Variants in DDX60L observed in about 807,000 individuals in gnomAD.
The protein encoded by DDX60L is DExD/H-box 60 like.
A neutral mutation model predicts 211.6 loss-of-function variants in DDX60L; 191 were observed. That is an observed-to-expected ratio of 0.90 (90% CI 0.80 to 1.02). The LOEUF is 1.02. Among genes scored for constraint, DDX60L ranks in the 50% least tolerant of loss-of-function variants. The pLI is 0.00. For missense variants in DDX60L, 2,007 were observed against 1,984.1 expected, an observed-to-expected ratio of 1.01 and a Z score of -0.22; for synonymous variants, 706 against 694.1, an observed-to-expected ratio of 1.02 and a Z score of -0.27.
Position 168,391,648 on chromosome 4 carries a change from G to GA in DDX60L, c.3811-5_3811-4insT, listed in dbSNP as rs1744840804. On this transcript the variant is annotated splice_region_variant and splice_polypyrimidine_tract_variant and intron_variant, in intron 28 of 37. Transcript: ENST00000682922. ...GTGTTTCAGTAGCTGTCACTACCTAGGAAAAAAAAAAAAAAACAGTCAATA... is the reference window on the plus strand; with the variant it reads ...GTGTTTCAGTAGCTGTCACTACCTAGAGAAAAAAAAAAAAAAACAGTCAATA... The GA allele has an allele frequency of 1.5e-6, 2 of 1,375,988 alleles. No individual in the cohort carries two copies. Among genetic ancestry groups the GA allele is most frequent in the Admixed American group, 2.7e-5 (1 of 37,398 alleles). The allele number at this position is 1,375,988 out of a possible 1,614,324, so 85.2% of individuals were successfully genotyped here. A position where few individuals can be genotyped will look rare whatever the true frequency, so the allele number is the denominator to read the frequency against.
intron 22 of DDX60L, among the ~76,000 whole-genome samples, chr4:168,410,055 A>G (rs1748414557): frequency 6.6e-6 from 1 of 152,182 alleles, no homozygotes; most frequent in South Asian, 2.1e-4. Flanking sequence ...ATATGGCACT[A>G]TGAGCTAGCT....
In DDX60L at chr4:168,379,741, C is replaced by A. The variant is rs551734786; in HGVS notation, c.4206G>T (p.Gln1402His). The A allele has an allele frequency of 3.7e-6, 6 of 1,612,734 alleles. No homozygotes were observed. In the Admixed American group the frequency reaches 8.4e-5, roughly 22 times the overall value. Residue 1402 changes from glutamine (Q) to histidine (H), a missense_variant, in exon 31 of 38, where the codon CAG becomes CAT. Physicochemically the swap from Gln to His is conservative, Grantham distance 24. Transcript: ENST00000682922. ...ACGATGATACCTCTTTGATAAGGAG[C>A]TGCAAGGAAAACAAAAAGTAAAGTT... ...TLKLYFLFSL[Q>H]LLIKEDYLNK...
chr4:168,446,323 A>C (rs914016410), intron 9 of DDX60L, among the ~76,000 whole-genome samples: 1 of 152,068 alleles, frequency 6.6e-6, no homozygotes, highest in Non-Finnish European at 1.5e-5. Context: ...CAACTTACAA[A>C]GGATGTGAAG....
intron 5 of DDX60L, among the ~76,000 whole-genome samples, chr4:168,459,306 C>T (rs977710630): frequency 2.0e-5 from 3 of 150,082 alleles, no homozygotes; most frequent in East Asian, 2.0e-4. Context: ...GGCAACATAG[C>T]GAGACCCTAT....
At position 168,472,894 on chromosome 4, in the gene DDX60L, C is replaced by A. The variant is rs1758993675; in HGVS notation, c.-110-85G>T. On this transcript the variant is annotated intron_variant, in intron 1 of 37. Transcript: ENST00000682922. ...AAATATGGTTACATTTTCCACAGAGCAAGCAGTCTAGTAAATAAGCAAAGA... is the reference window on the plus strand; with the variant it reads ...AAATATGGTTACATTTTCCACAGAGAAAGCAGTCTAGTAAATAAGCAAAGA... 5 of 598,502 alleles carry A rather than the reference C, an allele frequency of 8.4e-6. No individual in the cohort carries two copies. In the South Asian group the frequency reaches 1.1e-4, roughly 13 times the overall value. The allele number at this position is 598,502 out of a possible 1,614,324, so 37.1% of individuals were successfully genotyped here.
At chr4:168,378,262 A>G in intron 33 of DDX60L, 92 bp downstream of exon 33, 1 of 681,724 alleles carries the variant, frequency 1.5e-6, no homozygotes, top group African/African-American at 1.9e-5. Flanking sequence ...AGTAGCTTAT[A>G]TTAATTTAAC....
chr4:168,465,226 C>T (rs1039789104), intron 4 of DDX60L, among the ~76,000 whole-genome samples: 2 of 151,810 alleles, frequency 1.3e-5, no homozygotes, highest in African/African-American at 4.8e-5. Flanking sequence ...TTTGGATTTG[C>T]ATTTCTCCGA....
chr4:168,412,952 C>G (rs1023753105), intron 22 of DDX60L, among the ~76,000 whole-genome samples: 4 of 152,218 alleles, frequency 2.6e-5, no homozygotes, highest in Non-Finnish European at 4.4e-5. Context: ...CTGCAAGAGC[C>G]ACAGCCTCAC....
At position 168,458,585 on chromosome 4, in the gene DDX60L, T is replaced by C. The variant is rs918241788; in HGVS notation, c.607-577A>G. Among the ~76,000 whole-genome samples, 39 of 152,148 alleles carry C rather than the reference T, an allele frequency of 2.6e-4. 1 individual carries two copies. The highest frequency in any genetic ancestry group is 1.2e-3 in the South Asian group (6 of 4,822). ...ACCAAACACCACATGTTCTCACTTA[T>C]AAGTGGGAGCTGAACAATGAGAACA... On this transcript the variant is annotated intron_variant, in intron 5 of 37. Coordinates refer to ENST00000682922, the MANE Select transcript of DDX60L (RefSeq NM_001012967.3).
At chr4:168,455,272 TTGTGTGTGTGTG>T (rs34353821) in intron 7 of DDX60L, among the ~76,000 whole-genome samples, 1 of 144,088 alleles carries the variant, frequency 6.9e-6, no homozygotes, top group African/African-American at 2.7e-5. Flanking sequence ...CATACAAACT[TTGTGTGTGTGTG>T]TGTGTGTGTG....
intron 1 of DDX60L, among the ~76,000 whole-genome samples, chr4:168,479,061 T>C (rs1318473394): frequency 1.3e-5 from 2 of 152,096 alleles, no homozygotes; most frequent in Non-Finnish European, 2.9e-5. Flanking sequence ...TTTTAAAGTG[T>C]ATGGATCTAG....
chr4:168,471,152 G>T (rs974310407), intron 4 of DDX60L, among the ~76,000 whole-genome samples: 1 of 152,086 alleles, frequency 6.6e-6, no homozygotes. Flanking sequence ...AATAAGTACC[G>T]AACTCTAGTT....
chr4:168,426,124 T>C (rs1213102167), intron 14 of DDX60L, among the ~76,000 whole-genome samples: 1 of 152,188 alleles, frequency 6.6e-6, no homozygotes, highest in Non-Finnish European at 1.5e-5. Context: ...CAGGTGCTAT[T>C]GGGCATCTAT....
intron 29 of DDX60L, among the ~76,000 whole-genome samples, chr4:168,389,347 T>G (rs1744411508): frequency 6.6e-6 from 1 of 152,202 alleles, no homozygotes; most frequent in African/African-American, 2.4e-5. Context: ...GAAAATGGCA[T>G]GTTAGCAGAA....
intron 9 of DDX60L, among the ~76,000 whole-genome samples, chr4:168,443,421 G>T (rs6637859): frequency 0.29 from 43,967 of 151,580 alleles, 8,049 homozygotes; most frequent in East Asian, 0.62. Flanking sequence ...TGAAAGTGAT[G>T]GGGAGAATGG....
At chr4:168,374,534 T>C (rs1292118945) in intron 34 of DDX60L, among the ~76,000 whole-genome samples, 1 of 152,192 alleles carries the variant, frequency 6.6e-6, no homozygotes, top group Admixed American at 6.5e-5. Context: ...GAACAAATAA[T>C]TGAAGCAAAG....
At chr4:168,449,799 T>TAAA (rs1454436778) in intron 8 of DDX60L, among the ~76,000 whole-genome samples, 3 of 49,190 alleles carry the variant, frequency 6.1e-5, no homozygotes, top group African/African-American at 2.2e-4. Flanking sequence ...AACATGTGGG[T>TAAA]AAAAATAAAA....
chr4:168,400,883 C>T lies in DDX60L; in HGVS notation c.3434G>A (p.Ser1145Asn), dbSNP rs753650766. 6 of 1,613,542 alleles carry T rather than the reference C, an allele frequency of 3.7e-6. No homozygotes were observed. The Admixed American group carries it at 1.0e-4, about 27-fold the overall frequency. Residue 1145 changes from serine (S) to asparagine (N), a missense_variant, in exon 26 of 38, where the codon AGT (serine) becomes AAT (asparagine). Ser to Asn is a conservative substitution (Grantham distance 46). Coordinates refer to ENST00000682922, the MANE Select transcript of DDX60L (RefSeq NM_001012967.3). Reference protein sequence around the residue: ...TKSHPHTECHSYVFAIDEVLE... With the variant: ...TKSHPHTECHNYVFAIDEVLE... ...TACTTCATCTATTGCAAAGACATAA[C>T]TATGACATTCAGTGTGGGGATGGCT...
intron 37 of DDX60L, among the ~76,000 whole-genome samples, chr4:168,359,524 C>T (rs1385583310): frequency 6.6e-6 from 1 of 152,202 alleles, no homozygotes; most frequent in East Asian, 1.9e-4. Flanking sequence ...ACCACCACTG[C>T]CTAATTCAAG....
Sources: allele counts gnomAD v4.1 joint callset (sites outside exome capture counted in the v4.1 genomes callset), GRCh38; gene constraint gnomAD v4.1.1; transcripts MANE v1.5; gene names NCBI Gene and HGNC (gene_info 2026-07-23, HGNC 2026-07-21).